The following MCF2L2 variants were observed in gnomAD, a reference collection of about 807,000 sequenced individuals.
MCF2L2 encodes MCF.2 cell line derived transforming sequence-like 2, also known as probable guanine nucleotide exchange factor MCF2L2.
Under a neutral mutation model 150.2 loss-of-function variants are expected in MCF2L2, and 102 were observed. The observed-to-expected ratio is 0.68, with a 90% CI of 0.58 to 0.80. The LOEUF is 0.80. MCF2L2 is among the 30% of genes least tolerant of loss of function. MCF2L2 has a pLI of 0.00. For synonymous variants in MCF2L2, 465 were observed against 491.3 expected, an observed-to-expected ratio of 0.95 and a Z score of 0.71; for missense variants, 1,256 against 1,372.8, an observed-to-expected ratio of 0.91 and a Z score of 1.34.
At chr3:183,320,370 G>A (rs866093041) in intron 6 of MCF2L2, among the ~76,000 whole-genome samples, 40 of 152,276 alleles carry the variant, frequency 2.6e-4, no homozygotes, top group African/African-American at 8.4e-4. Flanking sequence ...TGGGATTACA[G>A]GCATGAGCCA....
chr3:183,319,923 A>C (rs1729741838), intron 6 of MCF2L2, among the ~76,000 whole-genome samples: 1 of 152,138 alleles, frequency 6.6e-6, no homozygotes, highest in South Asian at 2.1e-4. Context: ...CTTCCATTTA[A>C]GGTCACCAGC....
At chr3:183,326,510 AAAAAAAC>A (rs1186272305) in intron 5 of MCF2L2, among the ~76,000 whole-genome samples, 2,731 of 135,076 alleles carry the variant, frequency 0.02, 101 homozygotes, top group Non-Finnish European at 0.025. Context: ...AAAAAAAAAA[AAAAAAAC>A]AAAAAAAAAC....
At chr3:183,282,591 A>T (rs1227672943) in intron 14 of MCF2L2, among the ~76,000 whole-genome samples, 1 of 152,304 alleles carries the variant, frequency 6.6e-6, no homozygotes, top group Admixed American at 6.5e-5. Flanking sequence ...GAACCAAGAA[A>T]ATGTAAAGGC....
Position 183,270,214 on chromosome 3 carries a change from GAGA to G in MCF2L2, c.1862+6655_1862+6657del, listed in dbSNP as rs1726622996. The G allele has an allele frequency of 6.2e-7, 1 of 1,614,186 alleles. No homozygotes were observed. The highest frequency in any genetic ancestry group is 1.3e-5 in the African/African-American group (1 of 75,054). The stretch of plus-strand genomic sequence containing the variant: ...TTAGGAACTCCTAATCCACTGGAGG[GAGA>G]AGAACTACAAAGAAAACTGGCTTGG... On this transcript the variant is annotated intron_variant, in intron 15 of 29. Transcript: ENST00000328913. The surrounding 1 kb of genome is among the most constrained non-coding windows in gnomAD (Gnocchi z 4.5).
At chr3:183,298,587 C>T (rs1015094876) in intron 11 of MCF2L2, 1 of 152,114 alleles carries the variant, frequency 6.6e-6, no homozygotes, top group Non-Finnish European at 1.5e-5. Context: ...TTTCTTCCTA[C>T]ATTTTTGGAT....
At chr3:183,303,788 G>T (rs1052203993) in intron 10 of MCF2L2, among the ~76,000 whole-genome samples, 1 of 152,018 alleles carries the variant, frequency 6.6e-6, no homozygotes, top group Non-Finnish European at 1.5e-5. Flanking sequence ...ATCTTATTGT[G>T]TCTACATCAC....
intron 22 of MCF2L2, among the ~76,000 whole-genome samples, chr3:183,214,987 T>C (rs1334849259): frequency 6.6e-6 from 1 of 152,050 alleles, no homozygotes; most frequent in African/African-American, 2.4e-5. Context: ...AGAGCAAGAC[T>C]CTGTCTCAAA....
At chr3:183,295,522 AC>A in intron 12 of MCF2L2, 45 bp from the exon 13 acceptor site, 1 of 1,585,472 alleles carries the variant, frequency 6.3e-7, no homozygotes. Context: ...CTCTCTGTAT[AC>A]AGCCTGAGGA....
At chr3:183,360,681 T>C (rs890914176) in intron 3 of MCF2L2, among the ~76,000 whole-genome samples, 3 of 151,894 alleles carry the variant, frequency 2.0e-5, no homozygotes, top group Non-Finnish European at 2.9e-5. Flanking sequence ...TAACATACAG[T>C]GTACTAGGCC....
intron 3 of MCF2L2, chr3:183,374,754 G>T (rs1713097280): frequency 6.6e-6 from 1 of 152,082 alleles, no homozygotes; most frequent in Non-Finnish European, 1.5e-5. Flanking sequence ...TGAGCAATAG[G>T]ATCTGGATTT....
intron 15 of MCF2L2, among the ~76,000 whole-genome samples, chr3:183,243,661 G>A (rs1034236988): frequency 2.0e-5 from 3 of 152,130 alleles, no homozygotes; most frequent in African/African-American, 4.8e-5. Context: ...ATGGTCAAAG[G>A]TATTATGTAT....
intron 10 of MCF2L2, among the ~76,000 whole-genome samples, chr3:183,309,083 CG>C (rs1374068193): frequency 5.3e-5 from 8 of 152,278 alleles, no homozygotes; most frequent in African/African-American, 1.7e-4. Flanking sequence ...GACTTGTGTG[CG>C]GATCTGGGAC....
chr3:183,357,430 T>G (rs1019228067), intron 3 of MCF2L2, among the ~76,000 whole-genome samples: 2 of 152,114 alleles, frequency 1.3e-5, no homozygotes, highest in Non-Finnish European at 2.9e-5. Flanking sequence ...AAGAGTCCAC[T>G]TTAAGTGCAA....
At chr3:183,296,935 C>T (rs774630138) in intron 12 of MCF2L2, 41 bp downstream of exon 12, 2 of 1,586,384 alleles carry the variant, frequency 1.3e-6, no homozygotes, top group Admixed American at 1.7e-5. Flanking sequence ...CTCCCCTATC[C>T]GTTTCCCAAC....
At chr3:183,352,668 A>G (rs2108554984) in intron 3 of MCF2L2, among the ~76,000 whole-genome samples, 1 of 152,312 alleles carries the variant, frequency 6.6e-6, no homozygotes, top group South Asian at 2.1e-4. Context: ...GGACATCAGT[A>G]GCTCTTGAGT....
chr3:183,383,794 C>T (rs1713673208), intron 2 of MCF2L2, among the ~76,000 whole-genome samples: 1 of 152,106 alleles, frequency 6.6e-6, no homozygotes, highest in Non-Finnish European at 1.5e-5. Context: ...AAAATATGTG[C>T]ATAGGTAGGT....
In MCF2L2 at chr3:183,276,880, G is replaced by C; in HGVS notation, c.1854C>G (p.Ser618=). 6.2e-7 allele frequency: 1 copy of C among 1,608,288 alleles called. No homozygotes were observed. The highest frequency in any genetic ancestry group is 1.1e-5 in the South Asian group (1 of 89,836). The change falls in exon 15 of 30, where the codon TCC becomes TCG. Residue 618 remains serine (S), a synonymous_variant. Coordinates refer to ENST00000328913, the MANE Select transcript of MCF2L2 (RefSeq NM_015078.4). ...CGGATGTGCAGTCTTACCTGCGGGG[G>C]GAAAGGTCTCCGAGCCTGGCCTGCT... ...LEQQARLGDL[S]PRRRIIRDLL...
At chr3:183,192,042 G>A (rs1721913287) in intron 27 of MCF2L2, among the ~76,000 whole-genome samples, 1 of 151,410 alleles carries the variant, frequency 6.6e-6, no homozygotes, top group Non-Finnish European at 1.5e-5. Context: ...GTAGAGATGG[G>A]GTTTCACTGT....
intron 15 of MCF2L2, among the ~76,000 whole-genome samples, chr3:183,251,350 T>C (rs1416675109): frequency 1.3e-5 from 2 of 152,202 alleles, no homozygotes; most frequent in Non-Finnish European, 2.9e-5. Context: ...TGGGCCCCTG[T>C]TGCTCCCACC....
Sources: gnomAD v4.1 joint callset for allele counts (sites outside exome capture counted in the v4.1 genomes callset) on GRCh38, gnomAD v4.1.1 for gene constraint, Gnocchi (gnomAD v3.1) non-coding constraint, MANE v1.5 for transcripts, NCBI Gene and HGNC (gene_info 2026-07-23, HGNC 2026-07-21) for gene names.